The following MTRR variants were observed in gnomAD, a reference collection of about 807,000 sequenced individuals.
MTRR encodes methionine synthase reductase.
Under a neutral mutation model 79.2 loss-of-function variants are expected in MTRR, and 63 were observed. The ratio of observed to expected loss-of-function variants is 0.80; its 90% confidence interval spans 0.65 to 0.98. The LOEUF is 0.98. Ranked by LOEUF, MTRR falls within the 50% of genes least tolerant of loss-of-function variation. MTRR has a pLI of 0.00. For synonymous variants in MTRR, 355 were observed against 313.3 expected (o/e 1.13, Z -1.41); for missense variants, 895 against 839.6 (o/e 1.07, Z -0.82).
At chr5:7,877,313 A>G (rs967924148) in intron 4 of MTRR, among the ~76,000 whole-genome samples, 23 of 152,162 alleles carry the variant, frequency 1.5e-4, no homozygotes, top group African/African-American at 5.1e-4. Flanking sequence ...GATGAATTCA[A>G]CTTTCCCAAA....
chr5:7,875,389 T>A lies in MTRR; in HGVS notation c.401+14T>A, dbSNP rs767651977. On this transcript the variant is annotated intron_variant, in intron 4 of 14. Transcript: ENST00000440940. ...TGACTGTGTAGGGTAAGGGCAGTGT[T>A]CTCTGTTTACTCCAATAAGCCCTCT... 5 of 1,577,406 alleles carry A rather than the reference T, an allele frequency of 3.2e-6. No individual in the cohort carries two copies. The South Asian group carries it at 5.5e-5, about 17-fold the overall frequency.
intron 2 of MTRR, chr5:7,872,183 G>C: frequency 2.3e-6 from 1 of 442,972 alleles, no homozygotes; most frequent in Non-Finnish European, 4.5e-6. Context: ...AGTCTTGGAA[G>C]CATTAAATAC....
chr5:7,869,054 G>T, upstream of MTRR: 1 of 1,534,662 alleles, frequency 6.5e-7, no homozygotes. Flanking sequence ...CAAACGCGGG[G>T]CGGGAGCACG....
upstream of MTRR, among the ~76,000 whole-genome samples, chr5:7,864,390 T>C (rs1046875349): frequency 3.3e-5 from 5 of 152,168 alleles, no homozygotes; most frequent in Non-Finnish European, 5.9e-5. Flanking sequence ...AAAATATTCA[T>C]GCTCTTGAGA....
In MTRR at chr5:7,889,262, C is replaced by T. The variant is rs768072112; in HGVS notation, c.1314C>T (p.Leu438=). 4 of 1,612,796 alleles carry T rather than the reference C, an allele frequency of 2.5e-6. No homozygotes were observed. Among genetic ancestry groups the T allele is most frequent in the South Asian group, 2.2e-5 (2 of 91,022 alleles). The change falls in exon 9 of 15, where the codon CTC becomes CTT. Residue 438 remains leucine (L), a synonymous_variant. Coordinates refer to ENST00000440940, the MANE Select transcript of MTRR (RefSeq NM_002454.3). ...CTTTCCCTTCTTGCCAGCCACCACT[C>T]AGTCTCCTGCTCGGTGAGTAGTCGC... is the stretch of plus-strand genomic sequence containing the variant. ...LLAFPSCQPP[L]SLLLEHLPKL... is the part of the protein sequence containing the mutation.
At chr5:7,868,841 G>C, upstream of MTRR, 1 of 526,530 alleles carries the variant, frequency 1.9e-6, no homozygotes, top group Non-Finnish European at 3.4e-6. Context: ...GGGACCCGCG[G>C]GGCGAGCACC....
chr5:7,874,020 C>T (rs971748495), intron 3 of MTRR, among the ~76,000 whole-genome samples: 7 of 152,200 alleles, frequency 4.6e-5, no homozygotes, highest in African/African-American at 1.7e-4. Flanking sequence ...GGCCCACCTC[C>T]AGTGATTCTG....
chr5:7,866,053 T>G (rs1746925022), upstream of MTRR: 1 of 1,159,518 alleles, frequency 8.6e-7, no homozygotes, highest in African/African-American at 1.5e-5. Flanking sequence ...ATCATGAACA[T>G]TCAACATCAA....
At chr5:7,873,344 G>A (rs1343198045) in intron 2 of MTRR, 29 bp from the exon 3 acceptor site, 3 of 1,613,704 alleles carry the variant, frequency 1.9e-6, no homozygotes, top group South Asian at 1.1e-5. Context: ...GTAGTGTTAG[G>A]TCCCTGACTT....
At chr5:7,897,571 T>C (rs1326462702) in intron 14 of MTRR, among the ~76,000 whole-genome samples, 1 of 152,162 alleles carries the variant, frequency 6.6e-6, no homozygotes, top group Non-Finnish European at 1.5e-5. Context: ...TTGATTTTGT[T>C]ATATATAAGA....
intron 1 of MTRR, chr5:7,869,532 G>C: frequency 2.9e-6 from 1 of 341,072 alleles, no homozygotes; most frequent in East Asian, 6.4e-5. Flanking sequence ...AACCGCACTC[G>C]GGGACGCGGG....
chr5:7,861,727 C>T (rs1471024860), intron 1 of MTRR: 2 of 1,543,626 alleles, frequency 1.3e-6, no homozygotes, highest in East Asian at 2.4e-5. Context: ...CATTCCTTTG[C>T]TTTGCTTTGA....
At chr5:7,880,549 G>A (rs1369191770) in intron 5 of MTRR, among the ~76,000 whole-genome samples, 1 of 152,206 alleles carries the variant, frequency 6.6e-6, no homozygotes, top group Non-Finnish European at 1.5e-5. Context: ...TCAAACTGGT[G>A]AATTAAATGG....
rs1323441332 is a variant in MTRR, at chr5:7,887,797, T to TATAC, written c.1146+1097_1146+1098insCATA. 3.7e-3 allele frequency among the ~76,000 whole-genome samples: 95 copies of TATAC among 25,962 alleles called. 4 individuals are homozygous for TATAC. In the South Asian group the frequency reaches 0.054, roughly 15 times the overall value. The allele number at this position is 25,962 out of a possible 152,430, so 17.0% of individuals were successfully genotyped here. ...ATATTTGTGTGTGTGTGTGTGCATA[T>TATAC]ATATATATATATATATATATATATA... On this transcript the variant is annotated intron_variant, in intron 8 of 14. Transcript: ENST00000440940.
chr5:7,880,594 C>T (rs2126711523), intron 5 of MTRR, among the ~76,000 whole-genome samples: 1 of 152,316 alleles, frequency 6.6e-6, no homozygotes, highest in East Asian at 1.9e-4. Context: ...TGTCCTCCAG[C>T]TTTTTAAGGA....
At chr5:7,898,523 C>T (rs74585692) in intron 14 of MTRR, among the ~76,000 whole-genome samples, 10 of 152,274 alleles carry the variant, frequency 6.6e-5, no homozygotes, top group Admixed American at 2.0e-4. Flanking sequence ...GAACATTGAT[C>T]GTCCGTCAGG....
At chr5:7,888,768 T>G (rs955176636) in intron 8 of MTRR, among the ~76,000 whole-genome samples, 3 of 152,236 alleles carry the variant, frequency 2.0e-5, no homozygotes, top group Non-Finnish European at 4.4e-5. Flanking sequence ...ATAAGCTATG[T>G]CTGCCTGTAA....
chr5:7,879,113 G>T (rs1465578507), intron 5 of MTRR, among the ~76,000 whole-genome samples: 1 of 152,112 alleles, frequency 6.6e-6, no homozygotes, highest in African/African-American at 2.4e-5. Context: ...AAGCTTTCAT[G>T]TAAGTATGAT....
chr5:7,856,423 A>G (rs888039919), intron 1 of MTRR, among the ~76,000 whole-genome samples: 8 of 152,214 alleles, frequency 5.3e-5, no homozygotes, highest in African/African-American at 1.7e-4. Flanking sequence ...CAAGTTAGCC[A>G]TGTTCCTTCT....
Sources: allele counts gnomAD v4.1 joint callset (sites outside exome capture counted in the v4.1 genomes callset), GRCh38; gene constraint gnomAD v4.1.1; transcripts MANE v1.5; gene names NCBI Gene and HGNC (gene_info 2026-07-23, HGNC 2026-07-21).